Variants in CDH26 observed in about 807,000 individuals in gnomAD.
The protein encoded by CDH26 is cadherin-like protein 26.
A neutral mutation model predicts 90.3 loss-of-function variants in CDH26; 83 were observed. The ratio of observed to expected loss-of-function variants is 0.92; its 90% CI spans 0.77 to 1.10. The LOEUF is 1.10. Among genes scored for constraint, CDH26 ranks in the 50% least tolerant of loss-of-function variants. The probability of loss-of-function intolerance (pLI) is 0.00; values close to 1 mark genes in which losing one functional copy is unlikely to be tolerated. For synonymous variants in CDH26, 397 were observed against 396.3 expected (o/e 1.00, Z -0.02); for missense variants, 1,013 against 1,037.6 (o/e 0.98, Z 0.33).
chr20:60,035,151 C>T (rs1215593207), downstream of CDH26, among the ~76,000 whole-genome samples: 1 of 152,182 alleles, frequency 6.6e-6, no homozygotes, highest in East Asian at 1.9e-4. Flanking sequence ...GTTTTTATGT[C>T]ATTGTTTGTA....
chr20:59,967,683 T>C (rs2145970417), intron 1 of CDH26, among the ~76,000 whole-genome samples: 1 of 152,060 alleles, frequency 6.6e-6, no homozygotes, highest in Admixed American at 6.5e-5. Flanking sequence ...TTTCGTTTGC[T>C]GCTGGTTCTA....
At chr20:60,010,806 A>G (rs959520659) in intron 17 of CDH26, among the ~76,000 whole-genome samples, 3 of 151,602 alleles carry the variant, frequency 2.0e-5, no homozygotes, top group Non-Finnish European at 4.4e-5. Flanking sequence ...TGCGCAGAGC[A>G]GGCACCTCTG....
intron 9 of CDH26, among the ~76,000 whole-genome samples, chr20:59,989,534 CAAAAAA>C (rs924037162): frequency 3.5e-4 from 26 of 74,890 alleles, no homozygotes; most frequent in African/African-American, 8.7e-4. Context: ...GACTCCGTCT[CAAAAAA>C]AAAAAAAAAA....
chr20:59,967,802 C>G (rs1244579437), intron 1 of CDH26, among the ~76,000 whole-genome samples: 1 of 139,506 alleles, frequency 7.2e-6, no homozygotes, highest in African/African-American at 2.6e-5. Flanking sequence ...CCCTCCCTCC[C>G]TCCCTCCCTC....
intron 4 of CDH26, among the ~76,000 whole-genome samples, chr20:59,975,205 G>A (rs1569030456): frequency 1.3e-5 from 2 of 152,170 alleles, no homozygotes; most frequent in Non-Finnish European, 2.9e-5. Flanking sequence ...GTGTAATCAA[G>A]TTAAAATGAG....
chr20:60,017,627 A>G (rs1488050549), downstream of CDH26, among the ~76,000 whole-genome samples: 1 of 151,510 alleles, frequency 6.6e-6, no homozygotes, highest in Non-Finnish European at 1.5e-5. Context: ...GATCTTTATT[A>G]TTTCTTTCCT....
intron 1 of CDH26, among the ~76,000 whole-genome samples, chr20:59,967,778 C>CTCCT (rs1329453821): frequency 1.4e-5 from 2 of 141,792 alleles, no homozygotes; most frequent in Non-Finnish European, 1.5e-5. Context: ...CCTTCCCTCC[C>CTCCT]TCCTTCCTTC....
At chr20:60,010,251 T>C (rs997944408) in intron 17 of CDH26, among the ~76,000 whole-genome samples, 1 of 152,112 alleles carries the variant, frequency 6.6e-6, no homozygotes, top group African/African-American at 2.4e-5. Context: ...GGGACACGCA[T>C]GGGGTCCCTG....
chr20:59,961,319 G>T (rs1241891823), intron 1 of CDH26, among the ~76,000 whole-genome samples: 1 of 152,058 alleles, frequency 6.6e-6, no homozygotes, highest in Non-Finnish European at 1.5e-5. Context: ...AGTGGGAATG[G>T]GTCTGTGGAT....
At chr20:60,006,271 T>A (rs2061748558) in intron 16 of CDH26, among the ~76,000 whole-genome samples, 1 of 152,074 alleles carries the variant, frequency 6.6e-6, no homozygotes, top group Non-Finnish European at 1.5e-5. Flanking sequence ...TGCCCTTAGA[T>A]AGCACAGAGA....
chr20:60,005,592 T>C (rs1417333580), intron 16 of CDH26, among the ~76,000 whole-genome samples: 1 of 152,132 alleles, frequency 6.6e-6, no homozygotes, highest in Non-Finnish European at 1.5e-5. Context: ...TGGAACCCAA[T>C]AAGTATCCCT....
intron 4 of CDH26, among the ~76,000 whole-genome samples, chr20:59,980,169 C>T (rs190413219): frequency 1.1e-3 from 165 of 152,202 alleles, no homozygotes; most frequent in Non-Finnish European, 1.9e-3. Flanking sequence ...AGGTGTGTAG[C>T]GATATCTCAT....
intron 16 of CDH26, among the ~76,000 whole-genome samples, chr20:60,003,832 G>A (rs1173533661): frequency 2.0e-5 from 3 of 152,162 alleles, no homozygotes; most frequent in Non-Finnish European, 4.4e-5. Flanking sequence ...GCCCAGAGAG[G>A]AGAGATAGTG....
At chr20:59,995,770 G>A (rs147024816) in intron 11 of CDH26, 63 bp from the exon 12 acceptor site, 20 of 1,457,412 alleles carry the variant, frequency 1.4e-5, no homozygotes, top group East Asian at 1.4e-4. Context: ...TTCAGTAAGC[G>A]TGTGTTGAGC....
At chr20:60,007,164 C>T (rs73131336) in intron 17 of CDH26, among the ~76,000 whole-genome samples, 7 of 152,270 alleles carry the variant, frequency 4.6e-5, no homozygotes, top group East Asian at 1.9e-4. Context: ...CTCATCTAAA[C>T]CTAATTGTCT....
At chr20:59,974,716 G>A (rs1219147000) in intron 4 of CDH26, among the ~76,000 whole-genome samples, 1 of 152,096 alleles carries the variant, frequency 6.6e-6, no homozygotes, top group Non-Finnish European at 1.5e-5. Context: ...TTTGATCCGT[G>A]GCCCTGTCAT....
At chr20:60,021,861 C>CACACACACACAT (rs2061955276) in intron 7 of CDH26, among the ~76,000 whole-genome samples, 1 of 68,846 alleles carries the variant, frequency 1.5e-5, no homozygotes, top group African/African-American at 4.5e-5. Flanking sequence ...CACACACACA[C>CACACACACACAT]ACACACACAC....
At chr20:59,999,941 A>G (rs1198803814) in intron 14 of CDH26, among the ~76,000 whole-genome samples, 1 of 152,160 alleles carries the variant, frequency 6.6e-6, no homozygotes, top group Non-Finnish European at 1.5e-5. Flanking sequence ...ATTTTTTGCC[A>G]TATGCATATG....
At chr20:59,967,110 CA>C (rs2061159751) in intron 1 of CDH26, among the ~76,000 whole-genome samples, 1 of 152,060 alleles carries the variant, frequency 6.6e-6, no homozygotes, top group Non-Finnish European at 1.5e-5. Context: ...CACACAGATA[CA>C]TATAGTGAAG....
Sources: gnomAD v4.1 joint callset for allele counts (sites outside exome capture counted in the v4.1 genomes callset) on GRCh38, gnomAD v4.1.1 for gene constraint, MANE v1.5 for transcripts, NCBI Gene and HGNC (gene_info 2026-07-23, HGNC 2026-07-21) for gene names.